Variants in TEC observed in about 807,000 individuals in gnomAD.
The protein encoded by TEC is tec protein tyrosine kinase.
In TEC, 72 loss-of-function variants were observed where a neutral mutation model predicts 93.0. The ratio of observed to expected loss-of-function variants is 0.77; its 90% CI spans 0.64 to 0.94. The LOEUF (loss-of-function observed/expected upper bound fraction) is 0.94. Ranked by LOEUF, TEC falls within the 40% of genes least tolerant of loss-of-function variation. The pLI is 0.00. For missense variants in TEC, 630 were observed against 757.9 expected (o/e 0.83, Z 1.98); for synonymous variants, 249 against 247.7 (o/e 1.01, Z -0.05).
chr4:48,139,282 A>C (rs1719564212), intron 15 of TEC, among the ~76,000 whole-genome samples: 1 of 152,196 alleles, frequency 6.6e-6, no homozygotes, highest in Admixed American at 6.5e-5. Flanking sequence ...TCTTTTTATA[A>C]GGCAGTAGAG....
At chr4:48,260,438 G>A (rs1447521517) in intron 1 of TEC, among the ~76,000 whole-genome samples, 3 of 152,104 alleles carry the variant, frequency 2.0e-5, no homozygotes, top group East Asian at 3.9e-4. Context: ...TCGTTTCAAT[G>A]AGCTGGATGC....
intron 1 of TEC, among the ~76,000 whole-genome samples, chr4:48,238,938 C>T (rs1447034452): frequency 1.3e-5 from 2 of 152,140 alleles, no homozygotes; most frequent in East Asian, 3.9e-4. Flanking sequence ...GGGGAAGAAA[C>T]AAGATGGAGC....
At chr4:48,220,582 G>A (rs1297316689) in intron 2 of TEC, among the ~76,000 whole-genome samples, 1 of 152,138 alleles carries the variant, frequency 6.6e-6, no homozygotes, top group Non-Finnish European at 1.5e-5. Flanking sequence ...CCCATCAGAA[G>A]CAGATGCTGG....
chr4:48,248,764 C>T (rs1724125706), intron 1 of TEC, among the ~76,000 whole-genome samples: 2 of 152,236 alleles, frequency 1.3e-5, no homozygotes, highest in Non-Finnish European at 2.9e-5. Context: ...TCACACGCCT[C>T]CAGTACACAC....
intron 3 of TEC, among the ~76,000 whole-genome samples, 200 bp from the exon 4 acceptor site, chr4:48,171,649 G>A (rs939824806): frequency 6.6e-6 from 1 of 152,008 alleles, no homozygotes; most frequent in Non-Finnish European, 1.5e-5. Context: ...TAGAATACAC[G>A]TTTTGCAAAA....
At chr4:48,167,651 G>T in intron 7 of TEC, 127 bp downstream of exon 7, 1 of 811,342 alleles carries the variant, frequency 1.2e-6, no homozygotes, top group South Asian at 1.7e-5. Flanking sequence ...CAAGTAATAA[G>T]GTGTGCTTCC....
At chr4:48,238,435 C>A (rs1723841124) in intron 1 of TEC, among the ~76,000 whole-genome samples, 1 of 152,112 alleles carries the variant, frequency 6.6e-6, no homozygotes, top group Non-Finnish European at 1.5e-5. Flanking sequence ...CTATCAATAG[C>A]ATCTAAAGAG....
At chr4:48,232,886 A>G (rs1723686476) in intron 1 of TEC, among the ~76,000 whole-genome samples, 1 of 152,254 alleles carries the variant, frequency 6.6e-6, no homozygotes, top group African/African-American at 2.4e-5. Context: ...TCAGAAGAAT[A>G]TGGTATCTCT....
At chr4:48,207,172 T>C (rs370022744) in intron 2 of TEC, among the ~76,000 whole-genome samples, 3 of 151,934 alleles carry the variant, frequency 2.0e-5, no homozygotes, top group African/African-American at 7.3e-5. Context: ...AACATGAAAA[T>C]AGAGTTCAAC....
chr4:48,226,541 T>A (rs1451263336), intron 2 of TEC, among the ~76,000 whole-genome samples: 3 of 152,118 alleles, frequency 2.0e-5, no homozygotes, highest in Non-Finnish European at 4.4e-5. Flanking sequence ...AAATAGTAAA[T>A]CTATTTTCTC....
intron 2 of TEC, among the ~76,000 whole-genome samples, chr4:48,179,951 G>C (rs1352300252): frequency 6.6e-6 from 1 of 152,124 alleles, no homozygotes; most frequent in Non-Finnish European, 1.5e-5. Context: ...CTAGCTCTAG[G>C]AGCAGCAGGC....
intron 1 of TEC, among the ~76,000 whole-genome samples, chr4:48,251,842 C>T (rs1317065536): frequency 2.0e-5 from 3 of 152,096 alleles, no homozygotes; most frequent in Non-Finnish European, 4.4e-5. Context: ...TTTCAGAAAG[C>T]TCATAATAAG....
chr4:48,248,340 G>A (rs17574847), intron 1 of TEC, among the ~76,000 whole-genome samples: 22,670 of 152,112 alleles, frequency 0.15, 2,041 homozygotes, highest in Non-Finnish European at 0.2. Context: ...CAGGGCACAC[G>A]TGGCTTCTTG....
intron 1 of TEC, among the ~76,000 whole-genome samples, chr4:48,243,292 T>G (rs753130345): frequency 1.3e-5 from 2 of 152,242 alleles, no homozygotes; most frequent in African/African-American, 2.4e-5. Flanking sequence ...CAGGTAAGTC[T>G]GCTTAACCTG....
chr4:48,188,899 G>A (rs1721994791), intron 2 of TEC, among the ~76,000 whole-genome samples: 1 of 152,124 alleles, frequency 6.6e-6, no homozygotes, highest in Non-Finnish European at 1.5e-5. Flanking sequence ...GCGCGCCCAT[G>A]CATATGCGCG....
intron 7 of TEC, among the ~76,000 whole-genome samples, chr4:48,165,527 T>C (rs1720842388): frequency 6.6e-6 from 1 of 152,150 alleles, no homozygotes; most frequent in South Asian, 2.1e-4. Flanking sequence ...AATGAAGAAC[T>C]TTATGACAGA....
Position 48,219,261 on chromosome 4 carries a change from G to A in TEC, c.138+9216C>T, listed in dbSNP as rs552967876. Reference sequence around the variant, plus strand: ...ATGCCCGCATAAGGACCGCTTGAGGGCTCCTTGGTCAAGCGGTAACGCCAG... The same window carrying A: ...ATGCCCGCATAAGGACCGCTTGAGGACTCCTTGGTCAAGCGGTAACGCCAG... On this transcript the variant is annotated intron_variant, in intron 2 of 17. Coordinates refer to ENST00000381501, the MANE Select transcript of TEC (RefSeq NM_003215.3). Among the ~76,000 whole-genome samples, 11 of 152,310 alleles carry A rather than the reference G, an allele frequency of 7.2e-5. No individual in the cohort carries two copies. The East Asian group carries it at 2.1e-3, about 29-fold the overall frequency.
chr4:48,138,622 A>AT, intron 17 of TEC, 43 bp downstream of exon 17: 1 of 1,563,556 alleles, frequency 6.4e-7, no homozygotes, highest in South Asian at 1.2e-5. Context: ...ACCAAGCCCA[A>AT]TCCCTAAGAG....
intron 1 of TEC, among the ~76,000 whole-genome samples, chr4:48,259,573 G>A (rs1351619330): frequency 5.9e-5 from 9 of 152,100 alleles, no homozygotes; most frequent in Admixed American, 1.3e-4. Context: ...AAAAATAGCC[G>A]GGCGTGGTGG....
Sources: allele counts gnomAD v4.1 joint callset (sites outside exome capture counted in the v4.1 genomes callset), GRCh38; gene constraint gnomAD v4.1.1; transcripts MANE v1.5; gene names NCBI Gene and HGNC (gene_info 2026-07-23, HGNC 2026-07-21).